The following MAP3K7CL variants were observed in gnomAD, a reference collection of about 807,000 sequenced individuals.
The protein encoded by MAP3K7CL is MAP3K7 C-terminal-like protein.
MAP3K7CL carries 16 observed loss-of-function variants against 18.6 expected under a neutral mutation model. The observed-to-expected ratio is 0.86, with a 90% CI of 0.58 to 1.31. The LOEUF (loss-of-function observed/expected upper bound fraction) is 1.31. Ranked by LOEUF, MAP3K7CL falls within the 50% of genes most tolerant of loss-of-function variation. The pLI, the probability that MAP3K7CL is intolerant of heterozygous loss-of-function variation, is 0.00. For missense variants in MAP3K7CL, 163 were observed against 174.4 expected, an observed-to-expected ratio of 0.93 and a Z score of 0.37; for synonymous variants, 65 against 66.8, an observed-to-expected ratio of 0.97 and a Z score of 0.13.
exon 4 of MAP3K7CL, chr21:29,092,514 C>T (rs140309444): frequency 1.4e-4 from 225 of 1,614,196 alleles, no homozygotes; most frequent in African/African-American, 3.3e-4. Context: ...TGGCTACTGG[C>T]GATTGGATGC....
chr21:29,104,189 G>T (rs776901749), intron 4 of MAP3K7CL, among the ~76,000 whole-genome samples: 1 of 152,074 alleles, frequency 6.6e-6, no homozygotes, highest in African/African-American at 2.4e-5. Context: ...GCTGCTCAAA[G>T]GGTGGTCCTT....
intron 4 of MAP3K7CL, among the ~76,000 whole-genome samples, chr21:29,103,344 C>T (rs1172509001): frequency 6.6e-6 from 1 of 152,026 alleles, no homozygotes; most frequent in East Asian, 1.9e-4. Flanking sequence ...GTCATCCCAG[C>T]ACTTTGGGAG....
intron 1 of MAP3K7CL, chr21:29,085,921 T>C (rs369959983): frequency 6.2e-7 from 1 of 1,614,144 alleles, no homozygotes; most frequent in Non-Finnish European, 8.5e-7. Context: ...TCTTAAGGTA[T>C]GTCCGCCTTC....
intron 4 of MAP3K7CL, among the ~76,000 whole-genome samples, chr21:29,162,637 C>T (rs1868814899): frequency 6.7e-6 from 1 of 149,534 alleles, no homozygotes; most frequent in African/African-American, 2.5e-5. Flanking sequence ...GAGCTGAGAT[C>T]GTGCCATTGC....
chr21:29,085,969 TGTTTTCA>T, intron 1 of MAP3K7CL: 1 of 1,588,598 alleles, frequency 6.3e-7, no homozygotes, highest in Non-Finnish European at 8.6e-7. Context: ...ACTATAATCC[TGTTTTCA>T]GTGAAAACAG....
chr21:29,159,882 G>T, intron 3 of MAP3K7CL, 59 bp from the exon 4 acceptor site: 1 of 1,362,468 alleles, frequency 7.3e-7, no homozygotes, highest in South Asian at 1.2e-5. Context: ...CGAGCAAAAT[G>T]GTTGGTAATT....
intron 4 of MAP3K7CL, among the ~76,000 whole-genome samples, chr21:29,160,363 T>C (rs1257838128): frequency 6.6e-6 from 1 of 152,272 alleles, no homozygotes; most frequent in African/African-American, 2.4e-5. Flanking sequence ...CAGAGCACTG[T>C]GGCTTGGTGT....
Position 29,105,068 on chromosome 21 carries a change from A to G in MAP3K7CL, c.370+12487A>G, listed in dbSNP as rs527414518. On this transcript the variant is annotated intron_variant, in intron 4 of 6. Coordinates refer to the MAP3K7CL transcript ENST00000286791. ...AGAAGGTCTCATTGGAAGCCCCCTA[A>G]CATTCAAATGGCAGGAGCTGTCTGA... Among the ~76,000 whole-genome samples, 7 of 152,308 alleles carry G rather than the reference A, an allele frequency of 4.6e-5. No homozygotes were observed. The South Asian group carries it at 1.5e-3, about 32-fold the overall frequency.
chr21:29,162,001 A>G (rs1401400738), intron 4 of MAP3K7CL, among the ~76,000 whole-genome samples: 1 of 152,188 alleles, frequency 6.6e-6, no homozygotes, highest in African/African-American at 2.4e-5. Flanking sequence ...TTTCTCTTCC[A>G]TGTCTGACTA....
chr21:29,082,912 G>C (rs967842715), upstream of MAP3K7CL, among the ~76,000 whole-genome samples: 4 of 151,644 alleles, frequency 2.6e-5, no homozygotes, highest in African/African-American at 9.7e-5. Flanking sequence ...TTAAATTAAG[G>C]TGTCATTTTG....
intron 2 of MAP3K7CL, among the ~76,000 whole-genome samples, chr21:29,140,644 G>C (rs1036995700): frequency 1.3e-5 from 2 of 152,188 alleles, no homozygotes; most frequent in Non-Finnish European, 2.9e-5. Flanking sequence ...ACAACAAATA[G>C]CTTCCCAAAG....
intron 4 of MAP3K7CL, among the ~76,000 whole-genome samples, chr21:29,124,317 G>A (rs2086646409): frequency 7.6e-6 from 1 of 131,864 alleles, no homozygotes; most frequent in African/African-American, 3.0e-5. Flanking sequence ...TCGCGCCACT[G>A]TGCTCTAGCC....
upstream of MAP3K7CL, among the ~76,000 whole-genome samples, chr21:29,129,290 A>G (rs1433779902): frequency 6.6e-6 from 1 of 152,214 alleles, no homozygotes; most frequent in Non-Finnish European, 1.5e-5. Context: ...AGTCTCATAT[A>G]GAATAGTTTC....
At chr21:29,102,253 C>T (rs1350820568) in intron 4 of MAP3K7CL, among the ~76,000 whole-genome samples, 1 of 152,142 alleles carries the variant, frequency 6.6e-6, no homozygotes, top group African/African-American at 2.4e-5. Context: ...TTGTGCAGTG[C>T]ACAAAAGGTA....
chr21:29,151,269 C>G (rs1320290394), intron 3 of MAP3K7CL, among the ~76,000 whole-genome samples: 1 of 151,334 alleles, frequency 6.6e-6, no homozygotes, highest in Non-Finnish European at 1.5e-5. Context: ...CCAGCCTGGT[C>G]AATATGGTGA....
At chr21:29,089,168 C>CA (rs748166183) in intron 1 of MAP3K7CL, among the ~76,000 whole-genome samples, 697 of 68,464 alleles carry the variant, frequency 0.01, 81 homozygotes, top group East Asian at 0.025. Context: ...GACTCCGTCT[C>CA]AAAAAAAAAA....
chr21:29,103,159 T>C (rs9977919), intron 4 of MAP3K7CL, among the ~76,000 whole-genome samples: 3,951 of 152,314 alleles, frequency 0.026, 137 homozygotes, highest in East Asian at 0.17. Flanking sequence ...TAATGTTTTA[T>C]TGGGACAAAG....
chr21:29,139,582 C>A (rs1288849045), intron 2 of MAP3K7CL, among the ~76,000 whole-genome samples: 2 of 152,016 alleles, frequency 1.3e-5, no homozygotes, highest in African/African-American at 2.4e-5. Context: ...TTACCATTTT[C>A]CCCTCTCTTC....
At chr21:29,113,801 A>G (rs1208783887) in intron 4 of MAP3K7CL, among the ~76,000 whole-genome samples, 1 of 152,122 alleles carries the variant, frequency 6.6e-6, no homozygotes, top group Non-Finnish European at 1.5e-5. Flanking sequence ...TGCTGGGATT[A>G]CTTGTAGGCA....
Sources: allele counts gnomAD v4.1 joint callset (sites outside exome capture counted in the v4.1 genomes callset), GRCh38; gene constraint gnomAD v4.1.1; transcripts MANE v1.5; gene names NCBI Gene and HGNC (gene_info 2026-07-23, HGNC 2026-07-21).